Variants in CHCHD6 observed in about 807,000 individuals in gnomAD.
CHCHD6 encodes MICOS complex subunit MIC25.
A neutral mutation model predicts 32.3 loss-of-function variants in CHCHD6; 28 were observed. The ratio of observed to expected loss-of-function variants is 0.87; its 90% CI spans 0.64 to 1.19. The LOEUF (loss-of-function observed/expected upper bound fraction) is 1.19, where lower values mean the gene tolerates loss of function less well. CHCHD6 is among the 50% of genes most tolerant of loss of function. The probability of loss-of-function intolerance (pLI) is 0.00; values close to 1 mark genes in which losing one functional copy is unlikely to be tolerated. For missense variants in CHCHD6, 333 were observed against 307.0 expected (o/e 1.08, Z -0.63); for synonymous variants, 122 against 117.5 (o/e 1.04, Z -0.25).
At chr3:126,947,543 G>A (rs898578454) in intron 6 of CHCHD6, among the ~76,000 whole-genome samples, 1 of 152,206 alleles carries the variant, frequency 6.6e-6, no homozygotes, top group Admixed American at 6.5e-5. Flanking sequence ...TCCTATCCCG[G>A]GCCCCTCTCA....
intron 4 of CHCHD6, among the ~76,000 whole-genome samples, chr3:126,735,374 GA>G (rs898008912): frequency 6.6e-6 from 1 of 152,170 alleles, no homozygotes; most frequent in African/African-American, 2.4e-5. Context: ...CCCCTTTTCT[GA>G]GCCAGAATTC....
At chr3:126,824,654 T>C (rs1197581428) in intron 4 of CHCHD6, among the ~76,000 whole-genome samples, 1 of 149,838 alleles carries the variant, frequency 6.7e-6, no homozygotes, top group Admixed American at 6.7e-5. Flanking sequence ...TGGCACGATC[T>C]CGGCTCACCA....
At chr3:126,766,454 A>T in intron 4 of CHCHD6, 1 of 678,596 alleles carries the variant, frequency 1.5e-6, no homozygotes, top group Non-Finnish European at 2.8e-6. Context: ...TGGCGGTTGT[A>T]TTCTGGTAGT....
chr3:126,892,777 C>A (rs2107578951), intron 5 of CHCHD6, among the ~76,000 whole-genome samples: 1 of 152,298 alleles, frequency 6.6e-6, no homozygotes, highest in African/African-American at 2.4e-5. Context: ...AAACGCAGCT[C>A]CTCCGCTGTA....
chr3:126,792,702 A>G (rs1175600874), intron 4 of CHCHD6, among the ~76,000 whole-genome samples: 2 of 152,160 alleles, frequency 1.3e-5, no homozygotes, highest in African/African-American at 4.8e-5. Flanking sequence ...TGCTTCATGT[A>G]TGTTTGAAAC....
chr3:126,713,615 AGGG>A (rs1934864366), intron 1 of CHCHD6, among the ~76,000 whole-genome samples: 3 of 152,122 alleles, frequency 2.0e-5, no homozygotes, highest in South Asian at 2.1e-4. Flanking sequence ...GTCCCCTCCC[AGGG>A]CTTAGTGCCC....
chr3:126,815,818 G>A (rs1230082693), intron 4 of CHCHD6, among the ~76,000 whole-genome samples: 1 of 152,092 alleles, frequency 6.6e-6, no homozygotes, highest in Non-Finnish European at 1.5e-5. Flanking sequence ...AGCAGTCAAG[G>A]TGCTTAGCTG....
At position 126,721,555 on chromosome 3, in the gene CHCHD6, T is replaced by C. The variant is rs189547463; in HGVS notation, c.88-5523T>C. Among the ~76,000 whole-genome samples the C allele has an allele frequency of 5.3e-5, 8 of 152,354 alleles. No individual in the cohort carries two copies. In the East Asian group the frequency reaches 1.3e-3, roughly 26 times the overall value. ...CTGCTTCTCTTTGTTTTTGGTGTTC[T>C]CTCCCTTTTTATTTGTAACAGCTTT... is the stretch of plus-strand genomic sequence containing the variant. On this transcript the variant is annotated intron_variant, in intron 1 of 7. Transcript: ENST00000290913.
chr3:126,950,958 G>C (rs2078707164), intron 6 of CHCHD6, among the ~76,000 whole-genome samples: 1 of 152,226 alleles, frequency 6.6e-6, no homozygotes, highest in Non-Finnish European at 1.5e-5. Context: ...GGTTGCATAT[G>C]TCATAGATGG....
intron 6 of CHCHD6, among the ~76,000 whole-genome samples, chr3:126,930,419 T>C (rs971209967): frequency 3.3e-5 from 5 of 152,246 alleles, no homozygotes; most frequent in African/African-American, 7.2e-5. Context: ...CTCTTGGTAT[T>C]CCTGGGCACA....
chr3:126,941,439 A>G (rs2078557409), intron 6 of CHCHD6, among the ~76,000 whole-genome samples: 1 of 152,198 alleles, frequency 6.6e-6, no homozygotes, highest in African/African-American at 2.4e-5. Flanking sequence ...TGGCTGAGCA[A>G]GCTTTTCTGC....
At chr3:126,765,489 G>A (rs1012376859) in intron 4 of CHCHD6, among the ~76,000 whole-genome samples, 42 of 152,210 alleles carry the variant, frequency 2.8e-4, no homozygotes, top group African/African-American at 8.7e-4. Flanking sequence ...CCAAGCAAAC[G>A]TGACTAAAGA....
intron 4 of CHCHD6, among the ~76,000 whole-genome samples, chr3:126,771,468 C>G (rs1320472592): frequency 1.3e-5 from 2 of 151,992 alleles, no homozygotes; most frequent in African/African-American, 2.4e-5. Context: ...CTCGGCCTCC[C>G]AAAGTACTGG....
chr3:126,746,060 G>A (rs1936486953), intron 4 of CHCHD6, among the ~76,000 whole-genome samples: 1 of 152,206 alleles, frequency 6.6e-6, no homozygotes, highest in South Asian at 2.1e-4. Flanking sequence ...GGACTTGGGT[G>A]GCTGGGCAGG....
intron 6 of CHCHD6, chr3:126,949,954 T>A (rs760083552): frequency 1.6e-4 from 25 of 153,296 alleles, no homozygotes; most frequent in Non-Finnish European, 3.2e-4. Context: ...AAGTGAATGC[T>A]GCACAGATGT....
At chr3:126,861,573 C>G (rs1941871565) in intron 5 of CHCHD6, among the ~76,000 whole-genome samples, 1 of 151,644 alleles carries the variant, frequency 6.6e-6, no homozygotes, top group African/African-American at 2.4e-5. Context: ...CCACCTCATC[C>G]TCCTCATCCT....
intron 4 of CHCHD6, among the ~76,000 whole-genome samples, chr3:126,795,744 C>G (rs1470265350): frequency 1.3e-5 from 2 of 152,084 alleles, no homozygotes; most frequent in Non-Finnish European, 2.9e-5. Flanking sequence ...GTAGAAAAAC[C>G]AGTCTAAGGT....
chr3:126,863,340 C>T (rs1431969985), intron 5 of CHCHD6, among the ~76,000 whole-genome samples: 2 of 140,306 alleles, frequency 1.4e-5, no homozygotes, highest in African/African-American at 5.4e-5. Context: ...CCTCCTCCAT[C>T]ACCTCCTCCT....
At chr3:126,838,113 G>A in intron 4 of CHCHD6, among the ~76,000 whole-genome samples, 1 of 152,214 alleles carries the variant, frequency 6.6e-6, no homozygotes, top group East Asian at 1.9e-4. Context: ...TTCAGAATGA[G>A]ACTAATTTTC....
Sources: allele counts gnomAD v4.1 joint callset (sites outside exome capture counted in the v4.1 genomes callset), GRCh38; gene constraint gnomAD v4.1.1; transcripts MANE v1.5; gene names NCBI Gene and HGNC (gene_info 2026-07-23, HGNC 2026-07-21).